The following R3HDM2 variants were observed in gnomAD, a reference collection of about 807,000 sequenced individuals.
R3HDM2 encodes R3H domain-containing protein 2.
Under a neutral mutation model 124.5 loss-of-function variants are expected in R3HDM2, and 38 were observed. The observed-to-expected ratio is 0.31, with a 90% CI of 0.24 to 0.40. The LOEUF is 0.40. Among genes scored for constraint, R3HDM2 ranks in the 10% least tolerant of loss-of-function variants. The pLI, the probability that R3HDM2 is intolerant of heterozygous loss-of-function variation, is 1.00. For missense variants in R3HDM2, 869 were observed against 1,236.9 expected (o/e 0.70, Z 4.46); for synonymous variants, 391 against 448.0 (o/e 0.87, Z 1.61).
chr12:57,264,146 G>A (rs549019830), intron 19 of R3HDM2, among the ~76,000 whole-genome samples: 29 of 151,632 alleles, frequency 1.9e-4, no homozygotes, highest in South Asian at 1.7e-3. Flanking sequence ...GGAGGCTGAG[G>A]CAGGAGAATT....
At chr12:57,262,421 C>T (rs2041116469) in intron 19 of R3HDM2, among the ~76,000 whole-genome samples, 1 of 152,206 alleles carries the variant, frequency 6.6e-6, no homozygotes, top group African/African-American at 2.4e-5. Flanking sequence ...CCTGTAGAAA[C>T]CTCAAGGGAC....
chr12:57,256,316 T>C, intron 22 of R3HDM2, 98 bp downstream of exon 22: 1 of 1,102,950 alleles, frequency 9.1e-7, no homozygotes, highest in Non-Finnish European at 1.3e-6. Context: ...CATTCTGTGT[T>C]ATTTCCCTTG....
intron 19 of R3HDM2, among the ~76,000 whole-genome samples, chr12:57,260,046 T>C (rs1472534832): frequency 1.3e-5 from 2 of 151,740 alleles, no homozygotes; most frequent in South Asian, 4.2e-4. Flanking sequence ...GGTGGACTGA[T>C]TGAGCCCAGG....
chr12:57,366,206 G>A (rs1157335354), intron 2 of R3HDM2, among the ~76,000 whole-genome samples: 10 of 152,104 alleles, frequency 6.6e-5, no homozygotes, highest in African/African-American at 1.9e-4. Context: ...CCAGGCTGGA[G>A]TGCTGTGGTG....
chr12:57,359,887 T>A (rs1398120536), intron 2 of R3HDM2, among the ~76,000 whole-genome samples: 1 of 151,556 alleles, frequency 6.6e-6, no homozygotes, highest in Non-Finnish European at 1.5e-5. Context: ...TATATTAAAG[T>A]AATATATCAC....
At chr12:57,305,110 G>A (rs761861545) in intron 3 of R3HDM2, among the ~76,000 whole-genome samples, 5 of 152,102 alleles carry the variant, frequency 3.3e-5, no homozygotes, top group African/African-American at 4.8e-5. Context: ...GCTTGAACTT[G>A]GGAGGTGGAG....
At chr12:57,338,021 T>A (rs936527209) in intron 2 of R3HDM2, among the ~76,000 whole-genome samples, 4 of 152,194 alleles carry the variant, frequency 2.6e-5, no homozygotes. Flanking sequence ...AAAACACGCA[T>A]GGCCGGGTGC....
intron 2 of R3HDM2, among the ~76,000 whole-genome samples, chr12:57,314,875 G>A (rs1284551608): frequency 2.0e-5 from 3 of 151,920 alleles, no homozygotes; most frequent in African/African-American, 7.3e-5. Flanking sequence ...TTTTGGTTTT[G>A]TTTTTGAGAC....
intron 21 of R3HDM2, among the ~76,000 whole-genome samples, chr12:57,257,087 G>C (rs1437297299): frequency 1.3e-5 from 2 of 152,088 alleles, no homozygotes; most frequent in Non-Finnish European, 2.9e-5. Flanking sequence ...CCAAAGTGCT[G>C]GGATTACAAG....
intron 1 of R3HDM2, among the ~76,000 whole-genome samples, chr12:57,403,733 C>T (rs571321024): frequency 1.3e-5 from 2 of 151,288 alleles, no homozygotes; most frequent in Non-Finnish European, 2.9e-5. Context: ...GAGGGAGGAT[C>T]GCCTGAGCCC....
intron 19 of R3HDM2, among the ~76,000 whole-genome samples, chr12:57,260,407 G>C (rs879939098): frequency 3.3e-5 from 5 of 152,110 alleles, no homozygotes; most frequent in Non-Finnish European, 7.4e-5. Flanking sequence ...GCGACTTTGA[G>C]GTTTTGGCAC....
At chr12:57,326,713 G>T (rs1195337810) in intron 2 of R3HDM2, among the ~76,000 whole-genome samples, 1 of 152,212 alleles carries the variant, frequency 6.6e-6, no homozygotes, top group Non-Finnish European at 1.5e-5. Flanking sequence ...ATTGGAAGGA[G>T]ATGTCATCTT....
chr12:57,427,310 T>C (rs774241574), intron 1 of R3HDM2, among the ~76,000 whole-genome samples: 4 of 137,568 alleles, frequency 2.9e-5, no homozygotes, highest in Non-Finnish European at 4.6e-5. Flanking sequence ...AAATAAATAA[T>C]AATAAAATAA....
intron 1 of R3HDM2, among the ~76,000 whole-genome samples, chr12:57,407,452 CT>C (rs2139187897): frequency 6.6e-6 from 1 of 151,940 alleles, no homozygotes; most frequent in African/African-American, 2.4e-5. Context: ...GTTGCCCAGG[CT>C]GGAGTGCAGT....
chr12:57,267,596 A>T (rs1057415342), intron 18 of R3HDM2, among the ~76,000 whole-genome samples: 1 of 152,122 alleles, frequency 6.6e-6, no homozygotes, highest in South Asian at 2.1e-4. Context: ...TCACATAAAG[A>T]CAAATAGAAA....
At chr12:57,412,985 A>G (rs2069148565) in intron 1 of R3HDM2, among the ~76,000 whole-genome samples, 1 of 152,040 alleles carries the variant, frequency 6.6e-6, no homozygotes, top group African/African-American at 2.4e-5. Context: ...CCCCGCCTCT[A>G]CTAAAAATAC....
In R3HDM2 at chr12:57,269,405, G is replaced by A. The variant is rs1317054157; in HGVS notation, c.1632C>T (p.Asn544=). 8 of 1,614,066 alleles carry A rather than the reference G, an allele frequency of 5.0e-6. No individual in the cohort carries two copies. Among genetic ancestry groups the A allele is most frequent in the Middle Eastern group, 1.6e-4 (1 of 6,082 alleles). Residue 544 remains asparagine (N), a synonymous_variant, in exon 16 of 24, where the codon AAC becomes AAT. Coordinates refer to ENST00000402412, the MANE Select transcript of R3HDM2 (RefSeq NM_001394031.1). The part of the protein sequence containing the change: ...YYPPGQYPNS[N]QQYRPLSHPV... ...GGTGAGAGAGAGGTCGATATTGCTGGTTGGAGTTAGGATATTGTCCAGGGG... is the reference window on the plus strand; with the variant it reads ...GGTGAGAGAGAGGTCGATATTGCTGATTGGAGTTAGGATATTGTCCAGGGG...
chr12:57,268,834 G>T, intron 17 of R3HDM2, 88 bp downstream of exon 17: 1 of 1,449,508 alleles, frequency 6.9e-7, no homozygotes, highest in Non-Finnish European at 9.3e-7. Flanking sequence ...TTTAGTATTG[G>T]AGTTTTTAGT....
intron 4 of R3HDM2, among the ~76,000 whole-genome samples, chr12:57,300,385 C>T (rs1212354222): frequency 3.9e-5 from 6 of 152,118 alleles, no homozygotes; most frequent in African/African-American, 1.4e-4. Context: ...CTCTTGCTTA[C>T]AACAGTAGAC....
Sources: allele counts gnomAD v4.1 joint callset (sites outside exome capture counted in the v4.1 genomes callset), GRCh38; gene constraint gnomAD v4.1.1; transcripts MANE v1.5; gene names NCBI Gene and HGNC (gene_info 2026-07-23, HGNC 2026-07-21).